Variants in LRP2 observed in about 807,000 individuals in gnomAD.
The protein encoded by LRP2 is low-density lipoprotein receptor-related protein 2.
LRP2 carries 172 observed loss-of-function variants against 531.0 expected under a neutral mutation model. That is an observed-to-expected ratio of 0.32 (90% CI 0.29 to 0.37). The LOEUF (loss-of-function observed/expected upper bound fraction) is 0.37. LRP2 is among the 10% of genes least tolerant of loss of function. The probability of loss-of-function intolerance (pLI) is 1.00; values close to 1 mark genes in which losing one functional copy is unlikely to be tolerated. For synonymous variants in LRP2, 1,992 were observed against 2,027.6 expected, an observed-to-expected ratio of 0.98 and a Z score of 0.47; for missense variants, 5,167 against 5,868.3, an observed-to-expected ratio of 0.88 and a Z score of 3.90.
chr2:169,235,243 ATTTT>A (rs34253860), intron 29 of LRP2, among the ~76,000 whole-genome samples: 6,194 of 145,976 alleles, frequency 0.042, 337 homozygotes, highest in African/African-American at 0.13. Flanking sequence ...CTTGAAAAAA[ATTTT>A]TTTTTTTTTT....
intron 16 of LRP2, among the ~76,000 whole-genome samples, chr2:169,268,330 C>T (rs914113353): frequency 3.3e-5 from 5 of 152,126 alleles, no homozygotes; most frequent in Non-Finnish European, 7.4e-5. Flanking sequence ...ACCAATATCC[C>T]TGATGAACAT....
intron 59 of LRP2, 104 bp downstream of exon 59, chr2:169,170,447 T>A: frequency 1.2e-6 from 1 of 844,604 alleles, no homozygotes; most frequent in Non-Finnish European, 2.1e-6. Flanking sequence ...ATATTACACA[T>A]ATACAAAAAT....
chr2:169,184,294 AG>A (rs1169069325), intron 50 of LRP2, among the ~76,000 whole-genome samples: 1 of 152,336 alleles, frequency 6.6e-6, no homozygotes, highest in East Asian at 1.9e-4. Context: ...TACATACAAT[AG>A]GAATGCTTAG....
rs188720116 is a variant in LRP2, at chr2:169,257,610, C to A, written c.2514-361G>T. Among the ~76,000 whole-genome samples the A allele has an allele frequency of 1.5e-3, 228 of 151,988 alleles. 1 individual carries two copies. Among genetic ancestry groups the A allele is most frequent in the African/African-American group, 5.3e-3 (219 of 41,486 alleles). Reference sequence around the variant, plus strand: ...ATAAAATAATAAACAACGAACAGAGCAAGAAAACATTTCAATCTCTTTCTC... The same window carrying A: ...ATAAAATAATAAACAACGAACAGAGAAAGAAAACATTTCAATCTCTTTCTC... On this transcript the variant is annotated intron_variant, in intron 17 of 78. Transcript: ENST00000649046.
rs774137151 is a variant in LRP2 at position 169,139,281 on chromosome 2, G to A, written c.13358C>T (p.Ser4453Phe). The A allele has an allele frequency of 2.7e-5, 44 of 1,614,038 alleles. No individual in the cohort carries two copies. The highest frequency in any genetic ancestry group is 3.6e-5 in the Non-Finnish European group (43 of 1,180,026). ...CAGCTTGGGCAGAGCAGGCAAAAGG[G>A]AGCCGGTCCTTCTATAGTGGAAGAA... ...AGFFHYRRTG[S>F]LLPALPKLPS... The change falls in exon 74 of 79, where the codon TCC (serine) becomes TTC (phenylalanine). Residue 4453 changes from serine to phenylalanine, a missense_variant. Physicochemically the swap from Ser to Phe is radical, Grantham distance 155. Coordinates refer to ENST00000649046, the MANE Select transcript of LRP2 (RefSeq NM_004525.3).
Position 169,185,974 on chromosome 2 carries a change from T to A in LRP2, c.9374A>T (p.Asn3125Ile). Residue 3125 changes from asparagine to isoleucine, a missense_variant, in exon 50 of 79, where the codon AAC (asparagine) becomes ATC (isoleucine). Physicochemically the swap from Asn to Ile is moderately radical, Grantham distance 149. Transcript: ENST00000649046. ...GAAACTGGTTAAGGTGTCTGTGCAG[T>A]TGTGATCGCAGCCACTGATTGAAGG... ...HDPSISGCDH[N>I]CTDTLTSFYC... 1 of 1,614,018 alleles carries A rather than the reference T, an allele frequency of 6.2e-7. No homozygotes were observed. The highest frequency in any genetic ancestry group is 8.5e-7 in the Non-Finnish European group (1 of 1,179,966).
At chr2:169,138,918 A>C (rs1321487359) in intron 74 of LRP2, among the ~76,000 whole-genome samples, 2 of 152,210 alleles carry the variant, frequency 1.3e-5, no homozygotes, top group African/African-American at 4.8e-5. Flanking sequence ...CTGAACCATG[A>C]GATCTAAAAG....
chr2:169,153,288 T>C (rs1686212044), intron 66 of LRP2, among the ~76,000 whole-genome samples: 1 of 152,170 alleles, frequency 6.6e-6, no homozygotes, highest in Non-Finnish European at 1.5e-5. Flanking sequence ...ACAGAATGTA[T>C]AGAGATAAAC....
At chr2:169,334,293 A>C (rs1685343868) in intron 1 of LRP2, among the ~76,000 whole-genome samples, 2 of 152,294 alleles carry the variant, frequency 1.3e-5, no homozygotes, top group Non-Finnish European at 2.9e-5. Context: ...ATACAATAAA[A>C]TCTCTACTAA....
rs773316402 is a variant in LRP2 at position 169,206,064 on chromosome 2, G to A, written c.7515C>T (p.Arg2505=). 2.8e-5 allele frequency: 45 copies of A among 1,614,064 alleles called. No homozygotes were observed. Among genetic ancestry groups the A allele is most frequent in the Middle Eastern group, 1.6e-4 (1 of 6,082 alleles). ...EDGSNRTVIA[R]VPKPRAIVLD... is the part of the protein sequence containing the mutation. ...ACACAATTGCTCTTGGTTTTGGAAC[G>A]CGGGCTATCACAGTGCGGTTAGACC... The change falls in exon 40 of 79, where the codon CGC becomes CGT. Residue 2505 remains arginine (R), a synonymous_variant. Coordinates refer to ENST00000649046, the MANE Select transcript of LRP2 (RefSeq NM_004525.3).
Position 169,169,782 on chromosome 2 carries a change from G to T in LRP2, c.11417C>A (p.Thr3806Lys), listed in dbSNP as rs895051749. ...RTCHPEYFQCTSGHCVHSELK... is the reference protein window; with the variant it reads ...RTCHPEYFQCKSGHCVHSELK... Reference sequence around the variant, plus strand: ...TTCACTGTGTACACAATGTCCACTTGTACACTGAAAATATTCAGGATGGCA... The same window carrying T: ...TTCACTGTGTACACAATGTCCACTTTTACACTGAAAATATTCAGGATGGCA... The change falls in exon 60 of 79, where the codon ACA (threonine) becomes AAA (lysine). Residue 3806 changes from threonine (T) to lysine (K), a missense_variant. This residue lies in a region of LRP2 where 564 missense variants were observed against 747.7 expected (regional missense o/e 0.75). Coordinates refer to ENST00000649046, the MANE Select transcript of LRP2 (RefSeq NM_004525.3). The T allele has an allele frequency of 1.2e-6, 2 of 1,613,820 alleles. No homozygotes were observed. The highest frequency in any genetic ancestry group is 2.7e-5 in the African/African-American group (2 of 74,888).
intron 1 of LRP2, among the ~76,000 whole-genome samples, chr2:169,349,678 G>T (rs1281054472): frequency 6.6e-6 from 1 of 152,176 alleles, no homozygotes; most frequent in African/African-American, 2.4e-5. Flanking sequence ...GTCCTTCCAG[G>T]ACAGGCCACA....
intron 1 of LRP2, among the ~76,000 whole-genome samples, chr2:169,322,967 G>A (rs1559074703): frequency 6.6e-6 from 1 of 152,080 alleles, no homozygotes; most frequent in Non-Finnish European, 1.5e-5. Context: ...TCCCATTTTT[G>A]AGGAGTGGGG....
At chr2:169,347,117 CCTT>C (rs1032261823) in intron 1 of LRP2, among the ~76,000 whole-genome samples, 1 of 152,210 alleles carries the variant, frequency 6.6e-6, no homozygotes, top group African/African-American at 2.4e-5. Context: ...CTTTGTGTCT[CCTT>C]CTCTCTGAAC....
chr2:169,235,911 A>T lies in LRP2; in HGVS notation c.4849T>A (p.Ser1617Thr), dbSNP rs775105684. 1.1e-5 allele frequency: 17 copies of T among 1,614,188 alleles called. No individual in the cohort carries two copies. Among genetic ancestry groups the T allele is most frequent in the Non-Finnish European group, 1.4e-5 (17 of 1,180,020 alleles). ...YPNRLLYFMD[S>T]YLDYMDFCDY... ...CAAAAGTCCATGTAATCAAGATAGG[A>T]GTCCATGAAGTAGAGCAGTCTGTTG... Residue 1617 changes from serine (S) to threonine (T), a missense_variant, in exon 29 of 79, where the codon TCC becomes ACC. Ser to Thr is a moderately conservative substitution (Grantham distance 58, BLOSUM62 1). This residue lies in a region of LRP2 where 2,811 missense variants were observed against 3,058.0 expected (regional missense o/e 0.92). Transcript: ENST00000649046.
At chr2:169,202,297 G>C (rs1688228912) in intron 43 of LRP2, among the ~76,000 whole-genome samples, 1 of 152,190 alleles carries the variant, frequency 6.6e-6, no homozygotes, top group African/African-American at 2.4e-5. Context: ...GCTGAGGATT[G>C]GAAGTTATTT....
intron 1 of LRP2, among the ~76,000 whole-genome samples, chr2:169,336,846 C>A (rs1364093239): frequency 3.9e-5 from 6 of 152,124 alleles, no homozygotes; most frequent in Admixed American, 3.3e-4. Flanking sequence ...CTTCCAGAAA[C>A]CAAGAAACTA....
intron 49 of LRP2, among the ~76,000 whole-genome samples, chr2:169,187,541 G>A (rs1390401059): frequency 6.6e-6 from 1 of 152,146 alleles, no homozygotes; most frequent in Non-Finnish European, 1.5e-5. Flanking sequence ...CTTTACTTGT[G>A]GTGGTTGGGG....
intron 67 of LRP2, among the ~76,000 whole-genome samples, chr2:169,152,432 G>A (rs1574075522): frequency 6.6e-6 from 1 of 152,180 alleles, no homozygotes; most frequent in African/African-American, 2.4e-5. Flanking sequence ...AATGAGCAGT[G>A]CTGCCATACT....
Sources: allele counts gnomAD v4.1 joint callset (sites outside exome capture counted in the v4.1 genomes callset), GRCh38; gene constraint gnomAD v4.1.1; regional missense constraint gnomAD v4.1.1; transcripts MANE v1.5; gene names NCBI Gene and HGNC (gene_info 2026-07-23, HGNC 2026-07-21).